Variants in ADAMTSL1 observed in about 807,000 individuals in gnomAD.
ADAMTSL1 encodes the protein ADAMTS like 1.
Under a neutral mutation model 201.8 loss-of-function variants are expected in ADAMTSL1, and 126 were observed. The observed-to-expected ratio is 0.62, with a 90% CI of 0.54 to 0.72. The LOEUF (loss-of-function observed/expected upper bound fraction) is 0.72, where lower values mean the gene tolerates loss of function less well. Ranked by LOEUF, ADAMTSL1 falls within the 30% of genes least tolerant of loss-of-function variation. The probability of loss-of-function intolerance (pLI) is 0.00; values close to 1 mark genes in which losing one functional copy is unlikely to be tolerated. For synonymous variants in ADAMTSL1, 1,121 were observed against 903.4 expected (o/e 1.24, Z -4.32); for missense variants, 2,679 against 2,277.8 (o/e 1.18, Z -3.59).
At chr9:17,998,015 T>C (rs955775851) in intron 1 of ADAMTSL1, among the ~76,000 whole-genome samples, 2 of 152,114 alleles carry the variant, frequency 1.3e-5, no homozygotes, top group Middle Eastern at 3.4e-3. Context: ...TAATAAAATA[T>C]GATCACTCTC....
At chr9:18,056,157 T>TC (rs1035667778) in intron 1 of ADAMTSL1, among the ~76,000 whole-genome samples, 63 of 46,910 alleles carry the variant, frequency 1.3e-3, no homozygotes, top group African/African-American at 4.9e-3. Flanking sequence ...CAGCAAAAGC[T>TC]TTTTTTTTTT....
intron 1 of ADAMTSL1, among the ~76,000 whole-genome samples, chr9:18,152,791 A>C (rs1045914506): frequency 3.9e-5 from 6 of 151,984 alleles, no homozygotes; most frequent in Non-Finnish European, 8.8e-5. Context: ...AAAGAAATCA[A>C]GGTAGTGGGC....
rs141189695 is a variant in ADAMTSL1 at position 17,942,058 on chromosome 9, T to C, written c.87+35136T>C. Among the ~76,000 whole-genome samples the C allele has an allele frequency of 1.8e-4, 28 of 152,268 alleles. 2 individuals carry two copies. The East Asian group carries it at 5.0e-3, about 27-fold the overall frequency. ...AGCGTTCATTATATAGCTGCTGCCATACAAATATTATATGATTCCATTCAC... is the reference window on the plus strand; with the variant it reads ...AGCGTTCATTATATAGCTGCTGCCACACAAATATTATATGATTCCATTCAC... On this transcript the variant is annotated intron_variant, in intron 1 of 29. Transcript: ENST00000680146.
At chr9:18,492,745 T>A (rs1822329068) in intron 1 of ADAMTSL1, among the ~76,000 whole-genome samples, 1 of 152,222 alleles carries the variant, frequency 6.6e-6, no homozygotes, top group Admixed American at 6.5e-5. Flanking sequence ...CATAGACATT[T>A]TTGTAGCTAG....
intron 17 of ADAMTSL1, among the ~76,000 whole-genome samples, chr9:18,775,050 CTT>C (rs11299398): frequency 6.8e-6 from 1 of 147,728 alleles, no homozygotes; most frequent in African/African-American, 2.5e-5. Context: ...CACTTGTTGT[CTT>C]TTTTTTTTAT....
At chr9:18,412,799 A>G (rs1160578098) in intron 2 of ADAMTSL1, among the ~76,000 whole-genome samples, 2 of 152,200 alleles carry the variant, frequency 1.3e-5, no homozygotes, top group African/African-American at 4.8e-5. Flanking sequence ...TTTCTGGAAC[A>G]ACAAGATGTT....
At chr9:18,053,661 C>A (rs2131674461) in intron 1 of ADAMTSL1, among the ~76,000 whole-genome samples, 1 of 152,302 alleles carries the variant, frequency 6.6e-6, no homozygotes, top group South Asian at 2.1e-4. Context: ...CGAAAAGCCA[C>A]TATGATCATC....
At chr9:18,893,502 T>C (rs999566613) in intron 26 of ADAMTSL1, among the ~76,000 whole-genome samples, 2 of 152,208 alleles carry the variant, frequency 1.3e-5, no homozygotes, top group African/African-American at 4.8e-5. Flanking sequence ...AGCTTTAATG[T>C]GAATCACCTG....
intron 2 of ADAMTSL1, among the ~76,000 whole-genome samples, chr9:18,232,635 G>T (rs541472535): frequency 6.6e-6 from 1 of 152,130 alleles, no homozygotes; most frequent in South Asian, 2.1e-4. Context: ...ATGGGTCTCT[G>T]TAGTTAGACC....
At chr9:18,253,795 A>C (rs1207258450) in intron 2 of ADAMTSL1, among the ~76,000 whole-genome samples, 1 of 152,136 alleles carries the variant, frequency 6.6e-6, no homozygotes, top group African/African-American at 2.4e-5. Flanking sequence ...ATCTCCCCTT[A>C]AATAACAATT....
At chr9:18,668,127 G>A (rs1467807208) in intron 9 of ADAMTSL1, among the ~76,000 whole-genome samples, 1 of 152,080 alleles carries the variant, frequency 6.6e-6, no homozygotes, top group Admixed American at 6.5e-5. Flanking sequence ...GAGGTCTTTA[G>A]TTTTACTACA....
intron 1 of ADAMTSL1, among the ~76,000 whole-genome samples, chr9:17,943,949 T>C (rs943400837): frequency 1.3e-5 from 2 of 151,702 alleles, no homozygotes; most frequent in Non-Finnish European, 2.9e-5. Flanking sequence ...AGAGAGGGAA[T>C]AGGGAGAGAG....
chr9:18,115,216 T>C (rs1825199376), intron 1 of ADAMTSL1, among the ~76,000 whole-genome samples: 1 of 152,158 alleles, frequency 6.6e-6, no homozygotes, highest in Non-Finnish European at 1.5e-5. Context: ...ATTGAACATC[T>C]TTTTTGCATT....
intron 2 of ADAMTSL1, among the ~76,000 whole-genome samples, chr9:18,291,716 T>TTCTCTCTCTC (rs766379106): frequency 3.5e-5 from 4 of 114,578 alleles, no homozygotes; most frequent in African/African-American, 1.3e-4. Context: ...CTCTCTCTCT[T>TTCTCTCTCTC]TCTCTCTCTC....
At chr9:18,722,548 C>T (rs567485770) in intron 15 of ADAMTSL1, among the ~76,000 whole-genome samples, 2 of 152,288 alleles carry the variant, frequency 1.3e-5, no homozygotes, top group East Asian at 1.9e-4. Context: ...TTGCTGGTCA[C>T]GATGATGCAC....
At chr9:17,999,567 A>AT (rs1385187089) in intron 1 of ADAMTSL1, among the ~76,000 whole-genome samples, 1 of 150,986 alleles carries the variant, frequency 6.6e-6, no homozygotes, top group Middle Eastern at 3.2e-3. Flanking sequence ...ATCATCCTTG[A>AT]TTTTTTTAGT....
At position 18,530,899 on chromosome 9, in the gene ADAMTSL1, G is replaced by A. The variant is rs565699786; in HGVS notation, c.192-2348G>A. On this transcript the variant is annotated intron_variant, in intron 2 of 28. Coordinates refer to ENST00000380548, the MANE Select transcript of ADAMTSL1 (RefSeq NM_001040272.6). The stretch of plus-strand genomic sequence containing the variant: ...ATCACTGCACTGTGGTACGTATGCA[G>A]CAGGAACTTCAAAATTGAAAAGCAT... Among the ~76,000 whole-genome samples, 4 of 152,240 alleles carry A rather than the reference G, an allele frequency of 2.6e-5. No individual in the cohort carries two copies. In the South Asian group the frequency reaches 8.3e-4, roughly 32 times the overall value.
chr9:17,998,329 T>G (rs1445409500), intron 1 of ADAMTSL1, among the ~76,000 whole-genome samples: 2 of 151,786 alleles, frequency 1.3e-5, no homozygotes, highest in African/African-American at 4.8e-5. Flanking sequence ...ATATGGCAAG[T>G]GTACATGTAA....
chr9:18,339,492 A>G (rs1438382361), intron 2 of ADAMTSL1, among the ~76,000 whole-genome samples: 2 of 152,186 alleles, frequency 1.3e-5, no homozygotes, highest in Non-Finnish European at 2.9e-5. Flanking sequence ...GGGAACGCTT[A>G]TACATTGTTG....
Sources: allele counts gnomAD v4.1 joint callset (sites outside exome capture counted in the v4.1 genomes callset), GRCh38; gene constraint gnomAD v4.1.1; transcripts MANE v1.5; gene names NCBI Gene and HGNC (gene_info 2026-07-23, HGNC 2026-07-21).